The following INTS3 variants were observed in gnomAD, a reference collection of about 807,000 sequenced individuals.
INTS3 encodes SOSS complex subunit A.
Under a neutral mutation model 146.3 loss-of-function variants are expected in INTS3, and 34 were observed. That is an observed-to-expected ratio of 0.23 (90% CI 0.18 to 0.31). The LOEUF is 0.31. Among genes scored for constraint, INTS3 ranks in the 10% least tolerant of loss-of-function variants. INTS3 has a pLI of 1.00. For missense variants in INTS3, 757 were observed against 1,304.2 expected, an observed-to-expected ratio of 0.58 and a Z score of 6.46; for synonymous variants, 475 against 494.9, an observed-to-expected ratio of 0.96 and a Z score of 0.53.
At chr1:153,752,833 G>C (rs555044010) in intron 8 of INTS3, among the ~76,000 whole-genome samples, 12 of 152,292 alleles carry the variant, frequency 7.9e-5, no homozygotes, top group African/African-American at 2.9e-4. Flanking sequence ...CCTGGGAACA[G>C]TCTTGCCTCG....
At chr1:153,768,679 A>G (rs1365241627) in intron 21 of INTS3, among the ~76,000 whole-genome samples, 1 of 152,196 alleles carries the variant, frequency 6.6e-6, no homozygotes, top group Non-Finnish European at 1.5e-5. Context: ...CACACCCCTG[A>G]TGGTGTGCAC....
rs747177584 is a variant in INTS3 at position 153,764,956 on chromosome 1, G to A, written c.1983G>A (p.Gln661=). 2.5e-6 allele frequency: 4 copies of A among 1,614,140 alleles called. No homozygotes were observed. The East Asian group carries it at 8.9e-5, about 36-fold the overall frequency. Residue 661 remains glutamine (Q), a synonymous_variant, in exon 20 of 30, where the codon CAG becomes CAA. Coordinates refer to ENST00000318967, the MANE Select transcript of INTS3 (RefSeq NM_023015.5). Reference sequence around the variant, plus strand: ...GCCCCACCTCCAGGAACCTATGTCAGATGCAGGAAGACAACAGCAGCTTCT... The same window carrying A: ...GCCCCACCTCCAGGAACCTATGTCAAATGCAGGAAGACAACAGCAGCTTCT... ...PLYLIFRNLC[Q]MQEDNSSFSL...
At chr1:153,733,928 T>C (rs1671189554) in intron 1 of INTS3, among the ~76,000 whole-genome samples, 1 of 152,114 alleles carries the variant, frequency 6.6e-6, no homozygotes. Flanking sequence ...CCAGACTCTA[T>C]ATCCACCTGG....
chr1:153,736,948 A>G (rs780036403), intron 1 of INTS3, among the ~76,000 whole-genome samples: 16 of 150,676 alleles, frequency 1.1e-4, no homozygotes, highest in Non-Finnish European at 2.1e-4. Context: ...TATTTTTTTT[A>G]AGTAGAGGCG....
In INTS3 at chr1:153,728,490, G is replaced by A. The variant is rs1670942708; in HGVS notation, c.-145G>A. 1 of 965,842 alleles carries A rather than the reference G, an allele frequency of 1.0e-6. No homozygotes were observed. Among genetic ancestry groups the A allele is most frequent in the Admixed American group, 2.8e-5 (1 of 36,026 alleles). The allele number at this position is 965,842 out of a possible 1,614,324, so 59.8% of individuals were successfully genotyped here. On this transcript the variant is annotated 5_prime_UTR_variant, in exon 1 of 30. Transcript: ENST00000318967. Reference sequence around the variant, plus strand: ...CAGGCGCGGCCTTTTGGAGAGGAGGGAGGAGTGGAGAGGACAGGGGCCCTT... The same window carrying A: ...CAGGCGCGGCCTTTTGGAGAGGAGGAAGGAGTGGAGAGGACAGGGGCCCTT...
At position 153,772,237 on chromosome 1, in the gene INTS3, A is replaced by T. The variant is rs997864366; in HGVS notation, c.2721-103A>T. 2 of 1,333,154 alleles carry T rather than the reference A, an allele frequency of 1.5e-6. No homozygotes were observed. The highest frequency in any genetic ancestry group is 2.9e-5 in the African/African-American group (2 of 68,940). 82.6% of individuals were successfully genotyped at this position (1,333,154 alleles called of 1,614,324 possible). A position where few individuals can be genotyped will look rare whatever the true frequency, so the allele number is the denominator to read the frequency against. On this transcript the variant is annotated intron_variant, in intron 26 of 29. Transcript: ENST00000318967. The surrounding 1 kb of genome is among the most constrained non-coding windows in gnomAD (Gnocchi z 4.6). Reference sequence around the variant, plus strand: ...TCCCAGGCTGCCTATCCTGTTCCCCATGTAGGCTGCCTCTGTCTTAAGGGG... The same window carrying T: ...TCCCAGGCTGCCTATCCTGTTCCCCTTGTAGGCTGCCTCTGTCTTAAGGGG...
intron 8 of INTS3, 26 bp downstream of exon 8, chr1:153,752,434 C>G: frequency 6.3e-7 from 1 of 1,592,300 alleles, no homozygotes; most frequent in East Asian, 2.3e-5. Flanking sequence ...GGCATCCTGT[C>G]CTTGAGAGCT....
intron 8 of INTS3, 56 bp from the exon 9 acceptor site, chr1:153,754,586 C>T: frequency 8.1e-7 from 1 of 1,239,712 alleles, no homozygotes; most frequent in South Asian, 1.2e-5. Flanking sequence ...ACATGCCTTT[C>T]ATTCTTTCTG....
chr1:153,748,665 CT>C (rs1462250159), intron 5 of INTS3, 23 bp from the exon 6 acceptor site: 15 of 1,604,664 alleles, frequency 9.3e-6, no homozygotes, highest in South Asian at 3.3e-5. Flanking sequence ...CGGAGCTATT[CT>C]TTTTTTCCCC....
At chr1:153,736,901 C>T (rs1021073049) in intron 1 of INTS3, among the ~76,000 whole-genome samples, 42 of 151,014 alleles carry the variant, frequency 2.8e-4, no homozygotes, top group African/African-American at 8.8e-4. Flanking sequence ...GTAGCTGGGA[C>T]TACAGGCGCC....
At chr1:153,730,010 G>C (rs1301528264) in intron 1 of INTS3, among the ~76,000 whole-genome samples, 1 of 152,132 alleles carries the variant, frequency 6.6e-6, no homozygotes, top group African/African-American at 2.4e-5. Context: ...CTGTTTCCCA[G>C]CTTCTAACTT....
rs867666738 is a variant in INTS3, at chr1:153,772,023, T to C, written c.2720+60T>C. 2.1e-3 allele frequency: 1,896 copies of C among 883,538 alleles called. 16 individuals are homozygous for C. The African/African-American group carries it at 0.059, about 27-fold the overall frequency. The allele number at this position is 883,538 out of a possible 1,614,324, so 54.7% of individuals were successfully genotyped here. A position where few individuals can be genotyped will look rare whatever the true frequency, so the allele number is the denominator to read the frequency against. Reference sequence around the variant, plus strand: ...GGCGGTCTGCAGTGATTGCTGTCGGTGGTGGTGGTGGTGGTGGTGGTGGTG... The same window carrying C: ...GGCGGTCTGCAGTGATTGCTGTCGGCGGTGGTGGTGGTGGTGGTGGTGGTG... On this transcript the variant is annotated intron_variant, in intron 26 of 29. Coordinates refer to ENST00000318967, the MANE Select transcript of INTS3 (RefSeq NM_023015.5). This position sits in a 1 kb window ranked among gnomAD's most constrained non-coding sequence, Gnocchi z 4.6.
At chr1:153,728,879 G>GGGGGGGGGGGGGGGT in intron 1 of INTS3, 95 bp downstream of exon 1, 1 of 295,556 alleles carries the variant, frequency 3.4e-6, no homozygotes, top group Non-Finnish European at 6.5e-6. Flanking sequence ...GGGGGCGGGG[G>GGGGGGGGGGGGGGGT]TGGAGGCTTT....
chr1:153,730,879 C>G (rs1164044232), intron 1 of INTS3, among the ~76,000 whole-genome samples: 1 of 152,148 alleles, frequency 6.6e-6, no homozygotes, highest in Non-Finnish European at 1.5e-5. Flanking sequence ...CGGTTATCCC[C>G]ACTAGACCAG....
rs1318715488 is a variant in INTS3 at position 153,765,049 on chromosome 1, C to T, written c.2076C>T (p.Tyr692=). 1.2e-6 allele frequency: 2 copies of T among 1,614,182 alleles called. No individual in the cohort carries two copies. The highest frequency in any genetic ancestry group is 3.3e-5 in the Admixed American group (2 of 60,028). Residue 692 remains tyrosine (Y), a synonymous_variant, in exon 20 of 30, where the codon TAC becomes TAT. Coordinates refer to ENST00000318967, the MANE Select transcript of INTS3 (RefSeq NM_023015.5). ...CCAAGATTGGCTACCACCTGCTCTA[C>T]TACCTGAGGGCCAGGTGGGTATGGT... is the stretch of plus-strand genomic sequence containing the variant. ...KQPKIGYHLL[Y]YLRASKAAAG...
intron 8 of INTS3, among the ~76,000 whole-genome samples, chr1:153,754,440 G>A (rs955931659): frequency 1.3e-5 from 2 of 152,168 alleles, no homozygotes; most frequent in Non-Finnish European, 2.9e-5. Context: ...GCTGGGTCCT[G>A]GGGATAGTGG....
At chr1:153,729,532 G>C (rs1411854119) in intron 1 of INTS3, among the ~76,000 whole-genome samples, 6 of 152,154 alleles carry the variant, frequency 3.9e-5, no homozygotes, top group Admixed American at 3.9e-4. Context: ...AGTTGATCAC[G>C]TATACCTTTC....
chr1:153,753,061 A>ACACC (rs1672021492), intron 8 of INTS3, among the ~76,000 whole-genome samples: 1 of 151,916 alleles, frequency 6.6e-6, no homozygotes, highest in Non-Finnish European at 1.5e-5. Context: ...ACACACACAC[A>ACACC]CACACACACT....
Position 153,773,331 on chromosome 1 carries a change from G to C in INTS3, c.*61G>C. Reference sequence around the variant, plus strand: ...GCCCTCTCCTTCTTGGTGATTCAAAGGTTAATAGAGGCTGAGGAGATTGCA... The same window carrying C: ...GCCCTCTCCTTCTTGGTGATTCAAACGTTAATAGAGGCTGAGGAGATTGCA... On this transcript the variant is annotated 3_prime_UTR_variant, in exon 30 of 30. Coordinates refer to ENST00000318967, the MANE Select transcript of INTS3 (RefSeq NM_023015.5). 6.9e-7 allele frequency: 1 copy of C among 1,444,786 alleles called. No individual in the cohort carries two copies. Among genetic ancestry groups the C allele is most frequent in the Non-Finnish European group, 9.7e-7 (1 of 1,025,674 alleles). 89.5% of individuals were successfully genotyped at this position (1,444,786 alleles called of 1,614,324 possible).
Sources: gnomAD v4.1 joint callset for allele counts (sites outside exome capture counted in the v4.1 genomes callset) on GRCh38, gnomAD v4.1.1 for gene constraint, Gnocchi (gnomAD v3.1) non-coding constraint, MANE v1.5 for transcripts, NCBI Gene and HGNC (gene_info 2026-07-23, HGNC 2026-07-21) for gene names.